The following PPP1R36 variants were observed in gnomAD, a reference collection of about 807,000 sequenced individuals.
PPP1R36 encodes chromosome 14 open reading frame 50.
In PPP1R36, 47 loss-of-function variants were observed where a neutral mutation model predicts 53.4. The observed-to-expected ratio is 0.88, with a 90% CI of 0.70 to 1.12. PPP1R36 has a LOEUF of 1.12. Among genes scored for constraint, PPP1R36 ranks in the 50% most tolerant of loss-of-function variants. The pLI, the probability that PPP1R36 is intolerant of heterozygous loss-of-function variation, is 0.00. For missense variants in PPP1R36, 456 were observed against 513.9 expected (o/e 0.89, Z 1.09); for synonymous variants, 153 against 170.5 (o/e 0.90, Z 0.80).
At position 64,589,281 on chromosome 14, in the gene PPP1R36, G is replaced by C. The variant is rs1182106255; in HGVS notation, c.1212G>C (p.Gln404His). The C allele has an allele frequency of 2.5e-6, 4 of 1,613,922 alleles. No homozygotes were observed. Among genetic ancestry groups the C allele is most frequent in the Non-Finnish European group, 3.4e-6 (4 of 1,179,878 alleles). ...SLMENNNMRI[Q>H]DTLDLVMKTL... is the part of the protein sequence containing the mutation. ...TGGAAAACAATAACATGAGGATTCA[G>C]GATACACTGGACTTGGTCATGAAAA... is the stretch of plus-strand genomic sequence containing the variant. Residue 404 changes from glutamine to histidine, a missense_variant, in exon 12 of 12, where the codon CAG (glutamine) becomes CAC (histidine). Transcript: ENST00000298705.
chr14:64,587,907 A>G (rs138917196), intron 10 of PPP1R36, among the ~76,000 whole-genome samples, 197 bp from the exon 11 acceptor site: 2 of 152,100 alleles, frequency 1.3e-5, no homozygotes, highest in Non-Finnish European at 2.9e-5. Flanking sequence ...TCACCTGGCT[A>G]CTTTTTAAAA....
intron 3 of PPP1R36, among the ~76,000 whole-genome samples, chr14:64,553,215 A>G (rs564322418): frequency 6.6e-6 from 1 of 152,242 alleles, no homozygotes; most frequent in South Asian, 2.1e-4. Flanking sequence ...TAAGCCTCCC[A>G]AAGTGCTGGG....
intron 3 of PPP1R36, among the ~76,000 whole-genome samples, chr14:64,554,529 CAG>C (rs1455712601): frequency 1.3e-5 from 2 of 150,010 alleles, no homozygotes; most frequent in Non-Finnish European, 2.9e-5. Flanking sequence ...AAACCTAAGT[CAG>C]AGAGGACTCT....
intron 8 of PPP1R36, 32 bp downstream of exon 8, chr14:64,574,621 C>A: frequency 6.3e-7 from 1 of 1,592,466 alleles, no homozygotes; most frequent in Non-Finnish European, 8.5e-7. Context: ...ATTAGATCAT[C>A]ACTCCATCAT....
intron 8 of PPP1R36, among the ~76,000 whole-genome samples, chr14:64,575,371 C>T (rs1292505295): frequency 2.0e-5 from 3 of 152,144 alleles, no homozygotes; most frequent in Non-Finnish European, 4.4e-5. Context: ...TTCTGTATTT[C>T]CTGGGTACTT....
intron 3 of PPP1R36, chr14:64,562,016 T>G (rs1335023181): frequency 6.1e-6 from 2 of 329,800 alleles, no homozygotes. Flanking sequence ...ATTTCTTTCC[T>G]GTTTACTTCA....
intron 8 of PPP1R36, among the ~76,000 whole-genome samples, chr14:64,583,595 A>G (rs895326940): frequency 6.6e-6 from 1 of 152,024 alleles, no homozygotes; most frequent in Non-Finnish European, 1.5e-5. Context: ...CAGGCGGATC[A>G]CCTGAGGTCA....
intron 6 of PPP1R36, 128 bp downstream of exon 6, chr14:64,565,820 T>C (rs2080248793): frequency 1.4e-6 from 1 of 704,532 alleles, no homozygotes; most frequent in South Asian, 1.7e-5. Flanking sequence ...AGCCATCCTC[T>C]CAGGACCTAG....
At chr14:64,587,696 A>G (rs1188232305) in intron 10 of PPP1R36, among the ~76,000 whole-genome samples, 1 of 151,678 alleles carries the variant, frequency 6.6e-6, no homozygotes, top group Non-Finnish European at 1.5e-5. Flanking sequence ...TCCTAACCTC[A>G]GCTGATTCAC....
chr14:64,573,623 C>T (rs974199716), intron 7 of PPP1R36, among the ~76,000 whole-genome samples: 1 of 151,770 alleles, frequency 6.6e-6, no homozygotes, highest in African/African-American at 2.4e-5. Flanking sequence ...ATTAAAAAAG[C>T]GAAAATAGGC....
intron 6 of PPP1R36, among the ~76,000 whole-genome samples, chr14:64,566,542 T>G (rs2080258732): frequency 6.6e-6 from 1 of 152,144 alleles, no homozygotes; most frequent in South Asian, 2.1e-4. Context: ...TGACTCTGGG[T>G]AAGTTTCTTG....
rs10708900 is a variant in PPP1R36 at position 64,587,448 on chromosome 14, C to CTTTTTTTTTT, written c.890+97_890+106dup. ...CCTTTCTTTTCTTTTCTTTTTTCTC[C>CTTTTTTTTTT]TTTTTTTTTTTTTTTTTTTTTTTTT... On this transcript the variant is annotated intron_variant, in intron 10 of 11. Transcript: ENST00000298705. 265 of 111,010 alleles carry CTTTTTTTTTT rather than the reference C, an allele frequency of 2.4e-3. 18 individuals are homozygous for CTTTTTTTTTT. The highest frequency in any genetic ancestry group is 2.5e-3 in the African/African-American group (36 of 14,316). The allele number at this position is 111,010 out of a possible 1,614,324, so 6.9% of individuals were successfully genotyped here.
At chr14:64,552,935 T>C in intron 3 of PPP1R36, 74 bp downstream of exon 3, 2 of 1,353,540 alleles carry the variant, frequency 1.5e-6, no homozygotes, top group Non-Finnish European at 2.1e-6. Flanking sequence ...AAAATACATG[T>C]TAAAGCACAA....
intron 7 of PPP1R36, among the ~76,000 whole-genome samples, chr14:64,568,953 A>C (rs892836643): frequency 2.6e-5 from 4 of 152,176 alleles, no homozygotes; most frequent in African/African-American, 9.7e-5. Flanking sequence ...TTGAAGGTGC[A>C]GATATAGTTG....
intron 8 of PPP1R36, among the ~76,000 whole-genome samples, chr14:64,575,643 G>A (rs1024239204): frequency 4.8e-5 from 7 of 145,624 alleles, no homozygotes; most frequent in African/African-American, 1.8e-4. Flanking sequence ...TAAAGGTTAA[G>A]ACATTTTGGG....
chr14:64,556,127 A>ATTTTTTTTTTTTTTTTTTTTTTTTTTTTT (rs35877479), intron 3 of PPP1R36, among the ~76,000 whole-genome samples: 2 of 125,410 alleles, frequency 1.6e-5, no homozygotes, highest in Non-Finnish European at 3.2e-5. Context: ...TTGTAGATTG[A>ATTTTTTTTTTTTTTTTTTTTTTTTTTTTT]TTTTTTTTTT....
chr14:64,574,577 T>G lies in PPP1R36; in HGVS notation c.656T>G (p.Met219Arg), dbSNP rs969354778. ...LGLAVPDKHHMCCGKEKISDT... is the reference protein window; with the variant it reads ...LGLAVPDKHHRCCGKEKISDT... ...TTGGCCGTGCCGGATAAGCATCACA[T>G]GTGCTGTGGAAAGTAAGCAGATACT... Residue 219 changes from methionine to arginine, a missense_variant, in exon 8 of 12, where the codon ATG becomes AGG. Transcript: ENST00000298705. 8.1e-6 allele frequency: 13 copies of G among 1,612,508 alleles called. No homozygotes were observed. The highest frequency in any genetic ancestry group is 6.7e-5 in the Admixed American group (4 of 59,620).
In PPP1R36 at chr14:64,582,122, T is replaced by TGGAAA. The variant is rs2080394320; in HGVS notation, c.669-4715_669-4714insGGAAA. On this transcript the variant is annotated intron_variant, in intron 8 of 11. Transcript: ENST00000298705. ...GAAACTCAGGTGTGTAAATTATCCC[T>TGGAAA]AAGCCCTATTCCTCTACCCTTACCC... is the stretch of plus-strand genomic sequence containing the variant. Among the ~76,000 whole-genome samples the TGGAAA allele has an allele frequency of 2.6e-5, 4 of 152,300 alleles. 1 individual carries two copies. The South Asian group carries it at 8.3e-4, about 32-fold the overall frequency.
At chr14:64,572,912 G>T (rs541204857) in intron 7 of PPP1R36, among the ~76,000 whole-genome samples, 55 of 152,318 alleles carry the variant, frequency 3.6e-4, no homozygotes, top group African/African-American at 1.2e-3. Flanking sequence ...GGCCACTGGG[G>T]TGCATCTGGA....
Sources: gnomAD v4.1 joint callset for allele counts (sites outside exome capture counted in the v4.1 genomes callset) on GRCh38, gnomAD v4.1.1 for gene constraint, MANE v1.5 for transcripts, NCBI Gene and HGNC (gene_info 2026-07-23, HGNC 2026-07-21) for gene names.